Variants in NSG2 observed in about 807,000 individuals in gnomAD.
NSG2 encodes the protein neuronal vesicle trafficking-associated protein 2.
NSG2 carries 4 observed loss-of-function variants against 16.9 expected under a neutral mutation model. The observed-to-expected ratio is 0.24, with a 90% CI of 0.12 to 0.54. NSG2 has a LOEUF of 0.54. Ranked by LOEUF, NSG2 falls within the 20% of genes least tolerant of loss-of-function variation. NSG2 has a pLI of 0.95. For missense variants in NSG2, 179 were observed against 221.1 expected (o/e 0.81, Z 1.21); for synonymous variants, 98 against 88.7 (o/e 1.11, Z -0.59).
intron 2 of NSG2, among the ~76,000 whole-genome samples, chr5:174,059,988 T>A (rs1167697072): frequency 1.2e-4 from 18 of 152,154 alleles, no homozygotes; most frequent in Non-Finnish European, 4.4e-5. Flanking sequence ...TTGGCTCAAC[T>A]TCACTAGGGA....
chr5:174,060,839 A>G (rs1299718376), intron 2 of NSG2, among the ~76,000 whole-genome samples: 1 of 152,156 alleles, frequency 6.6e-6, no homozygotes, highest in Non-Finnish European at 1.5e-5. Flanking sequence ...GTCTTTCAGC[A>G]TGTCAGTTTA....
At chr5:174,097,557 CTGTGTGTGTAACTGTGTGTGTGTCTG>C (rs1561674961) in intron 3 of NSG2, among the ~76,000 whole-genome samples, 1 of 147,688 alleles carries the variant, frequency 6.8e-6, no homozygotes, top group Non-Finnish European at 1.5e-5. Flanking sequence ...CTGTATGTCT[CTGTGTGTGTAACTGTGTGTGTGTCTG>C]TGTGTGTGTA....
chr5:174,102,329 C>G (rs537666607), intron 3 of NSG2, among the ~76,000 whole-genome samples: 1 of 152,262 alleles, frequency 6.6e-6, no homozygotes, highest in South Asian at 2.1e-4. Context: ...TAAACATGCC[C>G]TGGGGTGGGA....
chr5:174,068,761 A>G (rs1171754815), intron 3 of NSG2, among the ~76,000 whole-genome samples: 11 of 69,428 alleles, frequency 1.6e-4, no homozygotes, highest in Non-Finnish European at 2.0e-4. Context: ...GTGCTGTGGA[A>G]GGTGCTGGTG....
chr5:174,071,668 T>A (rs886152497), intron 3 of NSG2, among the ~76,000 whole-genome samples: 1 of 152,234 alleles, frequency 6.6e-6, no homozygotes, highest in Non-Finnish European at 1.5e-5. Flanking sequence ...ACTAGCACTT[T>A]ATGTGCACTA....
rs2113413193 is a variant in NSG2, at chr5:174,046,821, C to T, written c.66C>T (p.Phe22=). ...AGCCGCCTTCAGTTGAGGATGGCTT[C>T]CAGACCGTCCCTCTCATCACTCCCT... ...GTKPPSVEDG[F]QTVPLITPLE... Residue 22 remains phenylalanine (F), a synonymous_variant, in exon 2 of 5, where the codon TTC becomes TTT. Transcript: ENST00000303177. 1 of 1,614,142 alleles carries T rather than the reference C, an allele frequency of 6.2e-7. No homozygotes were observed. Among genetic ancestry groups the T allele is most frequent in the Non-Finnish European group, 8.5e-7 (1 of 1,180,028 alleles).
At chr5:174,106,756 A>C (rs1760988589) in intron 4 of NSG2, among the ~76,000 whole-genome samples, 1 of 151,672 alleles carries the variant, frequency 6.6e-6, no homozygotes, top group South Asian at 2.1e-4. Flanking sequence ...CACCATGCCC[A>C]GCTATTTTTT....
chr5:174,082,570 G>C (rs1398042710), intron 3 of NSG2: 1 of 152,180 alleles, frequency 6.6e-6, no homozygotes, highest in African/African-American at 2.4e-5. Flanking sequence ...GTGGGGTGTG[G>C]CTCTGCCACT....
intron 3 of NSG2, among the ~76,000 whole-genome samples, chr5:174,070,787 GC>G (rs751562529): frequency 2.2e-4 from 33 of 152,110 alleles, no homozygotes; most frequent in Non-Finnish European, 3.5e-4. Context: ...ACTGTCCTCT[GC>G]CTGGCCTATC....
At position 174,108,176 on chromosome 5, in the gene NSG2, A is replaced by C; in HGVS notation, c.*671A>C. ...GGCCTCCATCCTAGGACCTGGGCAG[A>C]CCCACATGGCCTGGGCTCTGAATGC... On this transcript the variant is annotated 3_prime_UTR_variant, in exon 5 of 5. Transcript: ENST00000303177. The C allele has an allele frequency of 5.4e-6, 1 of 185,806 alleles. No individual in the cohort carries two copies. Among genetic ancestry groups the C allele is most frequent in the Non-Finnish European group, 1.1e-5 (1 of 88,512 alleles). 11.5% of individuals were successfully genotyped at this position (185,806 alleles called of 1,614,324 possible).
At chr5:174,052,808 G>A (rs1234199115) in intron 2 of NSG2, among the ~76,000 whole-genome samples, 1 of 152,204 alleles carries the variant, frequency 6.6e-6, no homozygotes, top group Admixed American at 6.5e-5. Context: ...GCATGCACGT[G>A]TGCTGGGAAG....
chr5:174,059,189 T>C (rs530296434), intron 2 of NSG2, among the ~76,000 whole-genome samples: 8 of 152,330 alleles, frequency 5.3e-5, no homozygotes, highest in African/African-American at 1.9e-4. Flanking sequence ...TTGAAGTTGA[T>C]GTAAATGACA....
In NSG2 at chr5:174,107,719, G is replaced by A. The variant is rs911591589; in HGVS notation, c.*214G>A. Reference sequence around the variant, plus strand: ...TGTTCCTTGGTATTGTTGATTCGTCGCCGAGTCAGGCTCATGTACAAAGGC... The same window carrying A: ...TGTTCCTTGGTATTGTTGATTCGTCACCGAGTCAGGCTCATGTACAAAGGC... On this transcript the variant is annotated 3_prime_UTR_variant, in exon 5 of 5. Coordinates refer to ENST00000303177, the MANE Select transcript of NSG2 (RefSeq NM_015980.5). This position sits in a 1 kb window ranked among gnomAD's most constrained non-coding sequence, Gnocchi z 4.5. 1.0e-5 allele frequency: 7 copies of A among 695,362 alleles called. No individual in the cohort carries two copies. The highest frequency in any genetic ancestry group is 3.0e-5 in the South Asian group (2 of 66,732). 43.1% of individuals were successfully genotyped at this position (695,362 alleles called of 1,614,324 possible).
chr5:174,108,743 A>G lies in NSG2; in HGVS notation c.*1238A>G, dbSNP rs1761024531. 1 of 152,514 alleles carries G rather than the reference A, an allele frequency of 6.6e-6. No individual in the cohort carries two copies. Among genetic ancestry groups the G allele is most frequent in the South Asian group, 2.1e-4 (1 of 4,834 alleles). 9.4% of individuals were successfully genotyped at this position (152,514 alleles called of 1,614,324 possible). ...CCTGCCTCTCACAAATGTTTCAGGG[A>G]GGCCAGTTCTGCAGGGTGTCAGCTC... On this transcript the variant is annotated 3_prime_UTR_variant, in exon 5 of 5. Transcript: ENST00000303177.
intron 3 of NSG2, among the ~76,000 whole-genome samples, chr5:174,074,603 C>T (rs181020595): frequency 2.6e-4 from 40 of 152,226 alleles, no homozygotes; most frequent in African/African-American, 7.9e-4. Flanking sequence ...CGATATCTCC[C>T]TGCTTCCTAG....
Position 174,059,636 on chromosome 5 carries a change from C to T in NSG2, c.130-4596C>T, listed in dbSNP as rs113118562. Among the ~76,000 whole-genome samples the T allele has an allele frequency of 4.7e-3, 722 of 152,202 alleles. 5 individuals are homozygous for T. The highest frequency in any genetic ancestry group is 0.017 in the African/African-American group (686 of 41,514). On this transcript the variant is annotated intron_variant, in intron 2 of 4. Transcript: ENST00000303177. ...TTAAGGCTCAAAGAGTAGGTATTTG[C>T]CCCTATAACTGTGGATCCCAGAGTA... is the stretch of plus-strand genomic sequence containing the variant.
intron 2 of NSG2, among the ~76,000 whole-genome samples, chr5:174,050,859 C>T (rs957610448): frequency 3.9e-5 from 6 of 152,136 alleles, no homozygotes; most frequent in Non-Finnish European, 7.4e-5. Context: ...CCCTTTCATG[C>T]GACTCACTGC....
intron 3 of NSG2, among the ~76,000 whole-genome samples, chr5:174,087,190 G>A (rs894568323): frequency 2.0e-5 from 3 of 152,158 alleles, no homozygotes; most frequent in African/African-American, 7.2e-5. Flanking sequence ...GTTTTGGGGG[G>A]CTTCCATGGG....
intron 3 of NSG2, among the ~76,000 whole-genome samples, chr5:174,089,932 T>C (rs1402022820): frequency 1.3e-5 from 2 of 152,038 alleles, no homozygotes. Flanking sequence ...GGATGAGATG[T>C]TAGTGGGGCC....
Sources: allele counts gnomAD v4.1 joint callset (sites outside exome capture counted in the v4.1 genomes callset), GRCh38; gene constraint gnomAD v4.1.1; non-coding constraint Gnocchi (gnomAD v3.1); transcripts MANE v1.5; gene names NCBI Gene and HGNC (gene_info 2026-07-23, HGNC 2026-07-21).